Variants in CD86 observed in about 807,000 individuals in gnomAD.
CD86 encodes the protein T-lymphocyte activation antigen CD86.
A neutral mutation model predicts 32.1 loss-of-function variants in CD86; 11 were observed. The observed-to-expected ratio is 0.34, with a 90% confidence interval of 0.22 to 0.57. The LOEUF (loss-of-function observed/expected upper bound fraction) is 0.57. Ranked by LOEUF, CD86 falls within the 20% of genes least tolerant of loss-of-function variation. CD86 has a pLI of 0.86. For missense variants in CD86, 359 were observed against 398.4 expected, an observed-to-expected ratio of 0.90 and a Z score of 0.84; for synonymous variants, 137 against 135.3, an observed-to-expected ratio of 1.01 and a Z score of -0.09.
intron 5 of CD86, among the ~76,000 whole-genome samples, chr3:122,111,597 T>C (rs1018824238): frequency 1.3e-5 from 2 of 152,188 alleles, no homozygotes; most frequent in Admixed American, 6.5e-5. Context: ...GCTTTGAAGA[T>C]GGAAGGAGGA....
intron 1 of CD86, among the ~76,000 whole-genome samples, chr3:122,087,289 C>T (rs958416161): frequency 6.6e-6 from 1 of 152,070 alleles, no homozygotes; most frequent in Non-Finnish European, 1.5e-5. Flanking sequence ...TCAGAGAATC[C>T]CCCCGGTAAA....
In CD86 at chr3:122,119,347, G is replaced by T. The variant is rs1162308785; in HGVS notation, c.894-91G>T. 4 of 761,238 alleles carry T rather than the reference G, an allele frequency of 5.3e-6. No homozygotes were observed. In the African/African-American group the frequency reaches 5.3e-5, roughly 10 times the overall value. The allele number at this position is 761,238 out of a possible 1,614,324, so 47.2% of individuals were successfully genotyped here. On this transcript the variant is annotated intron_variant, in intron 6 of 6. Transcript: ENST00000330540. ...GTTTCTCCTCATTGCTGTTCCAATG[G>T]CAACCTCTATTCTGCCCTATCATTG...
At chr3:122,091,733 TTGG>T in intron 2 of CD86, 83 bp downstream of exon 2, 2 of 1,137,554 alleles carry the variant, frequency 1.8e-6, no homozygotes, top group Admixed American at 3.5e-5. Flanking sequence ...GGCCTGAGAC[TTGG>T]TGGGTTTTAC....
At chr3:122,065,657 C>G (rs1260074022) in intron 1 of CD86, among the ~76,000 whole-genome samples, 1 of 152,130 alleles carries the variant, frequency 6.6e-6, no homozygotes, top group African/African-American at 2.4e-5. Context: ...AATCTAAGAG[C>G]TTTGGTCTGG....
In CD86 at chr3:122,106,190, G is replaced by T; in HGVS notation, c.401-8G>T. Reference sequence around the variant, plus strand: ...ATTGATTTTTTTTTATCTCTCTTCTGCTTTCAGCTAACTTCAGTCAACCTG... The same window carrying T: ...ATTGATTTTTTTTTATCTCTCTTCTTCTTTCAGCTAACTTCAGTCAACCTG... On this transcript the variant is annotated splice_polypyrimidine_tract_variant and splice_region_variant and intron_variant, in intron 3 of 6. Transcript: ENST00000330540. 6.3e-7 allele frequency: 1 copy of T among 1,580,010 alleles called. No individual in the cohort carries two copies. The highest frequency in any genetic ancestry group is 1.2e-5 in the South Asian group (1 of 85,584).
chr3:122,109,054 A>G (rs2073134261), intron 4 of CD86, among the ~76,000 whole-genome samples: 1 of 152,190 alleles, frequency 6.6e-6, no homozygotes, highest in Non-Finnish European at 1.5e-5. Context: ...AGCTCAGTCC[A>G]GGCATTTGGC....
intron 4 of CD86, among the ~76,000 whole-genome samples, chr3:122,107,135 A>T (rs1349598226): frequency 3.3e-5 from 5 of 152,210 alleles, no homozygotes; most frequent in Non-Finnish European, 4.4e-5. Context: ...GGGCATTCAG[A>T]GGTAGGCAAG....
intron 3 of CD86, among the ~76,000 whole-genome samples, chr3:122,104,451 T>G (rs145375054): frequency 5.9e-5 from 9 of 152,350 alleles, no homozygotes; most frequent in African/African-American, 2.2e-4. Flanking sequence ...TAAATGCCAC[T>G]ACAGATTTTT....
intron 5 of CD86, among the ~76,000 whole-genome samples, chr3:122,110,858 T>G (rs1051938488): frequency 6.6e-5 from 10 of 152,188 alleles, no homozygotes; most frequent in Non-Finnish European, 1.3e-4. Flanking sequence ...ACTTACATCT[T>G]GGGAATAAGC....
chr3:122,107,960 C>T (rs1161355417), intron 4 of CD86, among the ~76,000 whole-genome samples: 1 of 152,200 alleles, frequency 6.6e-6, no homozygotes, highest in Non-Finnish European at 1.5e-5. Flanking sequence ...AGATAGAAGC[C>T]TCTCCAAGCT....
chr3:122,107,853 C>A (rs893236387), intron 4 of CD86, among the ~76,000 whole-genome samples: 1 of 152,256 alleles, frequency 6.6e-6, no homozygotes, highest in Non-Finnish European at 1.5e-5. Context: ...CTGCTACTGA[C>A]TTCTTCCTAT....
intron 2 of CD86, 49 bp from the exon 3 acceptor site, chr3:122,103,463 C>A (rs1336926007): frequency 2.3e-6 from 3 of 1,284,590 alleles, no homozygotes; most frequent in Non-Finnish European, 3.3e-6. Flanking sequence ...GAGGTTTTTT[C>A]CCCTTTCCTC....
intron 4 of CD86, among the ~76,000 whole-genome samples, chr3:122,107,418 T>C (rs2073109293): frequency 6.6e-6 from 1 of 152,206 alleles, no homozygotes; most frequent in Non-Finnish European, 1.5e-5. Flanking sequence ...TTCACAAGTA[T>C]TCTTCAGGGA....
At chr3:122,057,922 C>G (rs1308295608) in intron 1 of CD86, among the ~76,000 whole-genome samples, 1 of 152,212 alleles carries the variant, frequency 6.6e-6, no homozygotes, top group Non-Finnish European at 1.5e-5. Flanking sequence ...TAAGTGGCCG[C>G]ACATTGAAGC....
At chr3:122,077,761 A>C (rs951241516) in intron 1 of CD86, 3 of 985,406 alleles carry the variant, frequency 3.0e-6, no homozygotes, top group Non-Finnish European at 3.6e-6. Context: ...CATTCTCATC[A>C]GTGGAAATGC....
intron 1 of CD86, among the ~76,000 whole-genome samples, chr3:122,065,069 G>A (rs1460653513): frequency 6.6e-6 from 1 of 152,138 alleles, no homozygotes; most frequent in African/African-American, 2.4e-5. Flanking sequence ...GAGGTAAGTA[G>A]TATTATCCCT....
chr3:122,064,023 A>G (rs762248870), intron 1 of CD86, among the ~76,000 whole-genome samples: 1 of 152,218 alleles, frequency 6.6e-6, no homozygotes, highest in Non-Finnish European at 1.5e-5. Context: ...CCAAAAAGTC[A>G]GCTCATGCAA....
intron 4 of CD86, among the ~76,000 whole-genome samples, chr3:122,106,840 G>GCACACACA (rs56759758): frequency 0.1 from 14,795 of 143,284 alleles, 897 homozygotes; most frequent in South Asian, 0.17. Flanking sequence ...ACATGCGCTT[G>GCACACACA]CACACACACA....
intron 5 of CD86, among the ~76,000 whole-genome samples, chr3:122,115,576 G>T (rs372169133): frequency 1.3e-5 from 2 of 151,336 alleles, no homozygotes; most frequent in East Asian, 1.9e-4. Flanking sequence ...AAGAACAAAG[G>T]TTAAAAATAC....
Sources: allele counts gnomAD v4.1 joint callset (sites outside exome capture counted in the v4.1 genomes callset), GRCh38; gene constraint gnomAD v4.1.1; transcripts MANE v1.5; gene names NCBI Gene and HGNC (gene_info 2026-07-23, HGNC 2026-07-21).